The following TUSC3 variants were observed in gnomAD, a reference collection of about 807,000 sequenced individuals.
The protein encoded by TUSC3 is dolichyl-diphosphooligosaccharide--protein glycosyltransferase subunit TUSC3.
A neutral mutation model predicts 44.8 loss-of-function variants in TUSC3; 45 were observed. The observed-to-expected ratio is 1.00, with a 90% confidence interval of 0.79 to 1.29. The LOEUF (loss-of-function observed/expected upper bound fraction) is 1.29. Ranked by LOEUF, TUSC3 falls within the 50% of genes most tolerant of loss-of-function variation. The pLI, the probability that TUSC3 is intolerant of heterozygous loss-of-function variation, is 0.00. For synonymous variants in TUSC3, 212 were observed against 152.9 expected (o/e 1.39, Z -2.85); for missense variants, 519 against 437.9 (o/e 1.19, Z -1.65).
intron 1 of TUSC3, among the ~76,000 whole-genome samples, chr8:15,437,754 C>T (rs1799967813): frequency 1.3e-5 from 2 of 152,168 alleles, no homozygotes; most frequent in Admixed American, 6.5e-5. Flanking sequence ...ATATTGTTTG[C>T]TCATGGAAAC....
chr8:15,491,239 G>C (rs2001236), intron 2 of TUSC3, among the ~76,000 whole-genome samples: 23,090 of 152,222 alleles, frequency 0.15, 1,989 homozygotes, highest in Middle Eastern at 0.22. Context: ...ATGAGGATAA[G>C]CTATCAATTT....
At chr8:15,622,877 T>C (rs1463082740) in intron 1 of TUSC3, among the ~76,000 whole-genome samples, 1 of 152,144 alleles carries the variant, frequency 6.6e-6, no homozygotes, top group Non-Finnish European at 1.5e-5. Flanking sequence ...TGGTCTGGGA[T>C]ATATAAGGCC....
intron 2 of TUSC3, among the ~76,000 whole-genome samples, chr8:15,493,846 T>A (rs1459354171): frequency 3.3e-5 from 5 of 152,178 alleles, no homozygotes; most frequent in Non-Finnish European, 5.9e-5. Context: ...GAAACTGAAA[T>A]ATCAAAATGT....
intron 1 of TUSC3, among the ~76,000 whole-genome samples, chr8:15,594,729 A>G (rs1803992569): frequency 6.6e-6 from 1 of 151,984 alleles, no homozygotes; most frequent in Non-Finnish European, 1.5e-5. Flanking sequence ...GCTGGATACT[A>G]CTCTTATGAA....
the TUSC3 span, among the ~76,000 whole-genome samples, chr8:15,776,368 G>A: frequency 2.6e-5 from 4 of 151,920 alleles, no homozygotes; most frequent in African/African-American, 9.7e-5. Flanking sequence ...AGAAACACAC[G>A]TCTTACCATT....
intron 6 of TUSC3, among the ~76,000 whole-genome samples, chr8:15,703,563 G>T (rs753220797): frequency 8.6e-5 from 13 of 152,016 alleles, no homozygotes; most frequent in Non-Finnish European, 1.9e-4. Flanking sequence ...GTTTTATTTG[G>T]GTCACCATTC....
At position 15,594,971 on chromosome 8, in the gene TUSC3, T is replaced by C. The variant is rs138724681; in HGVS notation, c.139-28109T>C. On this transcript the variant is annotated intron_variant, in intron 1 of 10. Coordinates refer to ENST00000503731, the MANE Select transcript of TUSC3 (RefSeq NM_006765.4). ...AATTGAGGGACCCTGGAAAGTTGTC[T>C]ACCCTAGGTTTTATACTTCGGGGCA... Among the ~76,000 whole-genome samples the C allele has an allele frequency of 2.6e-3, 394 of 152,238 alleles. 1 individual carries two copies. Among genetic ancestry groups the C allele is most frequent in the African/African-American group, 8.3e-3 (346 of 41,550 alleles).
chr8:15,778,216 A>G, the TUSC3 span, among the ~76,000 whole-genome samples: 1 of 152,166 alleles, frequency 6.6e-6, no homozygotes, highest in African/African-American at 2.4e-5. Flanking sequence ...CCTGATTTCC[A>G]TAAAGACCTG....
intron 6 of TUSC3, among the ~76,000 whole-genome samples, chr8:15,721,026 A>C (rs1384864345): frequency 6.6e-6 from 1 of 152,118 alleles, no homozygotes; most frequent in Non-Finnish European, 1.5e-5. Flanking sequence ...AAAAAAAGAA[A>C]ATGTAAGAGA....
chr8:15,679,030 A>C (rs946197047), intron 6 of TUSC3, among the ~76,000 whole-genome samples: 7 of 152,198 alleles, frequency 4.6e-5, no homozygotes, highest in Non-Finnish European at 5.9e-5. Flanking sequence ...GGTTGATTTA[A>C]TGTCTTTGCT....
intron 1 of TUSC3, among the ~76,000 whole-genome samples, chr8:15,469,514 A>G (rs943052701): frequency 1.3e-5 from 2 of 152,236 alleles, no homozygotes; most frequent in Admixed American, 6.5e-5. Flanking sequence ...GCTGGAGAGT[A>G]TGGAACAACA....
chr8:15,502,571 A>C (rs1800982353), intron 2 of TUSC3, among the ~76,000 whole-genome samples: 2 of 152,160 alleles, frequency 1.3e-5, no homozygotes, highest in Admixed American at 1.3e-4. Context: ...GCTCACTGCA[A>C]GCTCCACCTC....
At chr8:15,436,029 C>A (rs932252630) in intron 1 of TUSC3, among the ~76,000 whole-genome samples, 10 of 152,100 alleles carry the variant, frequency 6.6e-5, no homozygotes, top group African/African-American at 2.2e-4. Flanking sequence ...TATCTGAAGC[C>A]TTGACTGAGG....
At chr8:15,538,850 A>T (rs997053071), upstream of TUSC3, among the ~76,000 whole-genome samples, 3 of 151,328 alleles carry the variant, frequency 2.0e-5, no homozygotes, top group Non-Finnish European at 4.4e-5. Flanking sequence ...ATATTTTTAT[A>T]TTCTGTATAT....
chr8:15,624,343 G>A (rs1563140065), intron 2 of TUSC3, among the ~76,000 whole-genome samples: 1 of 152,164 alleles, frequency 6.6e-6, no homozygotes. Context: ...ACAGAGTGTG[G>A]TGGTTAGGTT....
At chr8:15,549,990 C>T (rs542501428) in intron 1 of TUSC3, among the ~76,000 whole-genome samples, 1 of 151,826 alleles carries the variant, frequency 6.6e-6, no homozygotes, top group South Asian at 2.1e-4. Context: ...GCTTACAACT[C>T]TAAGGGGATC....
At chr8:15,437,321 C>T (rs924221593) in intron 1 of TUSC3, among the ~76,000 whole-genome samples, 1 of 152,124 alleles carries the variant, frequency 6.6e-6, no homozygotes, top group Non-Finnish European at 1.5e-5. Flanking sequence ...GCTGTTTAGT[C>T]TAGACCTACA....
intron 10 of TUSC3, among the ~76,000 whole-genome samples, chr8:15,760,337 C>G (rs1356380281): frequency 6.6e-6 from 1 of 152,108 alleles, no homozygotes; most frequent in Non-Finnish European, 1.5e-5. Context: ...GCTTATTTTT[C>G]TTTTATACAT....
intron 1 of TUSC3, among the ~76,000 whole-genome samples, chr8:15,454,025 G>A (rs1800225423): frequency 6.6e-6 from 1 of 152,140 alleles, no homozygotes; most frequent in Non-Finnish European, 1.5e-5. Flanking sequence ...ATTGGTAAGG[G>A]AGGAATGCCT....
Sources: gnomAD v4.1 joint callset for allele counts (sites outside exome capture counted in the v4.1 genomes callset) on GRCh38, gnomAD v4.1.1 for gene constraint, MANE v1.5 for transcripts, NCBI Gene and HGNC (gene_info 2026-07-23, HGNC 2026-07-21) for gene names.